HSD11B1: variants seen among roughly 807,000 people sequenced by gnomAD.
The protein encoded by HSD11B1 is 11-beta-hydroxysteroid dehydrogenase 1.
A neutral mutation model predicts 22.1 loss-of-function variants in HSD11B1; 15 were observed. That is an observed-to-expected ratio of 0.68 (90% CI 0.45 to 1.04). The LOEUF is 1.04. Ranked by LOEUF, HSD11B1 falls within the 50% of genes least tolerant of loss-of-function variation. HSD11B1 has a pLI of 0.00. For missense variants in HSD11B1, 281 were observed against 357.6 expected (o/e 0.79, Z 1.73); for synonymous variants, 122 against 125.2 (o/e 0.97, Z 0.17).
chr1:209,688,050 T>C (rs774601164), intron 1 of HSD11B1, among the ~76,000 whole-genome samples: 3 of 152,250 alleles, frequency 2.0e-5, no homozygotes, highest in Admixed American at 6.5e-5. Context: ...TAAGATATTA[T>C]GATTTCTGGA....
At chr1:209,707,642 A>C (rs1197489577) in intron 4 of HSD11B1, among the ~76,000 whole-genome samples, 8 of 152,054 alleles carry the variant, frequency 5.3e-5, no homozygotes, top group Admixed American at 5.2e-4. Flanking sequence ...AAATTCTTTT[A>C]AGTAGCAGAG....
At chr1:209,705,056 G>A (rs1237634109) in intron 1 of HSD11B1, 26 bp downstream of exon 1, 1 of 1,573,866 alleles carries the variant, frequency 6.4e-7, no homozygotes, top group East Asian at 2.2e-5. Context: ...TCTCATTTTG[G>A]AGGAATAGGT....
At chr1:209,728,458 T>C (rs2077016541) in intron 4 of HSD11B1, among the ~76,000 whole-genome samples, 1 of 152,208 alleles carries the variant, frequency 6.6e-6, no homozygotes, top group Non-Finnish European at 1.5e-5. Flanking sequence ...ATTATCCACA[T>C]ATTACAGCTA....
intron 4 of HSD11B1, among the ~76,000 whole-genome samples, chr1:209,708,470 T>C (rs929707726): frequency 6.6e-6 from 1 of 152,156 alleles, no homozygotes; most frequent in African/African-American, 2.4e-5. Flanking sequence ...AACAGTGTGA[T>C]TGATATGCAT....
intron 4 of HSD11B1, among the ~76,000 whole-genome samples, chr1:209,725,103 G>A (rs1397595857): frequency 6.6e-6 from 1 of 152,040 alleles, no homozygotes. Flanking sequence ...CAATATTTTA[G>A]TGCAGAAATA....
intron 4 of HSD11B1, among the ~76,000 whole-genome samples, chr1:209,715,471 G>A (rs890449937): frequency 6.6e-6 from 1 of 151,746 alleles, no homozygotes; most frequent in Non-Finnish European, 1.5e-5. Flanking sequence ...ACTGATTCCA[G>A]GGCAGTGGCA....
intron 4 of HSD11B1, 60 bp downstream of exon 4, chr1:209,707,188 G>A: frequency 1.5e-6 from 2 of 1,348,598 alleles, no homozygotes; most frequent in South Asian, 2.3e-5. Context: ...CAGGGATGAT[G>A]CCAGGCTCTG....
intron 4 of HSD11B1, among the ~76,000 whole-genome samples, chr1:209,725,786 T>C (rs970244533): frequency 2.6e-5 from 4 of 152,154 alleles, no homozygotes; most frequent in African/African-American, 7.2e-5. Flanking sequence ...ACTAGAAGAA[T>C]GGGGGGCAGA....
At chr1:209,700,298 G>A (rs1043151880), upstream of HSD11B1, among the ~76,000 whole-genome samples, 1 of 152,230 alleles carries the variant, frequency 6.6e-6, no homozygotes, top group Non-Finnish European at 1.5e-5. Flanking sequence ...CTAGGCAGAG[G>A]TTCCCAAACT....
At chr1:209,724,741 G>T (rs1333191331) in intron 4 of HSD11B1, among the ~76,000 whole-genome samples, 2 of 152,124 alleles carry the variant, frequency 1.3e-5, no homozygotes, top group East Asian at 1.9e-4. Flanking sequence ...CCTCACACAA[G>T]CTAATTAGCA....
chr1:209,701,114 G>C (rs917299413), upstream of HSD11B1, among the ~76,000 whole-genome samples: 3 of 152,094 alleles, frequency 2.0e-5, no homozygotes. Flanking sequence ...CACATTTTCA[G>C]GTATCTTTTC....
rs530819859 is a variant in HSD11B1 at position 209,707,146 on chromosome 1, A to C, written c.517+18A>C. The C allele has an allele frequency of 6.3e-7, 1 of 1,598,722 alleles. No individual in the cohort carries two copies. The highest frequency in any genetic ancestry group is 1.1e-5 in the South Asian group (1 of 90,758). On this transcript the variant is annotated intron_variant, in intron 4 of 5. Transcript: ENST00000367027. Reference sequence around the variant, plus strand: ...TCTGGCTGGTAAGTGGGACAGGGACATATGTGGAAGGTAGAAGAAAAAAAA... The same window carrying C: ...TCTGGCTGGTAAGTGGGACAGGGACCTATGTGGAAGGTAGAAGAAAAAAAA...
At chr1:209,719,704 A>G (rs1202462403) in intron 4 of HSD11B1, among the ~76,000 whole-genome samples, 2 of 152,208 alleles carry the variant, frequency 1.3e-5, no homozygotes, top group African/African-American at 4.8e-5. Flanking sequence ...TTCCAGCTTC[A>G]TCCAAGTCCC....
rs1558187212 is a variant in HSD11B1, at chr1:209,697,883, C to CTTTT, written c.-48-7012_-48-7011insTTTT. The stretch of plus-strand genomic sequence containing the variant: ...TGAATGATTAATGGTTTTGTTTTTT[C>CTTTT]CTTTTTTTTTTTTTTTTTTTTTTTT... On this transcript the variant is annotated intron_variant, in intron 1 of 6. Coordinates refer to the HSD11B1 transcript ENST00000261465. Among the ~76,000 whole-genome samples the CTTTT allele has an allele frequency of 1.8e-3, 40 of 21,934 alleles. 1 individual carries two copies. Among genetic ancestry groups the CTTTT allele is most frequent in the African/African-American group, 3.2e-3 (39 of 12,004 alleles). The allele number at this position is 21,934 out of a possible 152,430, so 14.4% of individuals were successfully genotyped here.
chr1:209,709,936 A>AC (rs2076884366), intron 4 of HSD11B1, among the ~76,000 whole-genome samples: 1 of 129,940 alleles, frequency 7.7e-6, no homozygotes, highest in South Asian at 2.4e-4. Context: ...CCCACATGTG[A>AC]AACACACACA....
intron 1 of HSD11B1, among the ~76,000 whole-genome samples, chr1:209,695,610 C>T (rs769459929): frequency 1.2e-4 from 19 of 152,024 alleles, no homozygotes; most frequent in Admixed American, 2.0e-4. Flanking sequence ...AGAGATCGAA[C>T]CATCCTGGCC....
At chr1:209,721,553 G>C (rs1480023123) in intron 4 of HSD11B1, among the ~76,000 whole-genome samples, 1 of 151,396 alleles carries the variant, frequency 6.6e-6, no homozygotes, top group Non-Finnish European at 1.5e-5. Flanking sequence ...GCTTTTTCTG[G>C]GTTCTTCAGA....
Position 209,734,716 on chromosome 1 carries a change from C to T in HSD11B1, c.*195C>T, listed in dbSNP as rs531202729. ...TGTAATAATAATGAATGTCATGCACCGCTGCAGCCAGCAGTTGTAAAATTG... is the reference window on the plus strand; with the variant it reads ...TGTAATAATAATGAATGTCATGCACTGCTGCAGCCAGCAGTTGTAAAATTG... On this transcript the variant is annotated 3_prime_UTR_variant, in exon 6 of 6. Coordinates refer to ENST00000367027, the MANE Select transcript of HSD11B1 (RefSeq NM_005525.4). 5.4e-5 allele frequency: 30 copies of T among 553,478 alleles called. No homozygotes were observed. Among genetic ancestry groups the T allele is most frequent in the Middle Eastern group, 9.9e-4 (2 of 2,020 alleles). The allele number at this position is 553,478 out of a possible 1,614,324, so 34.3% of individuals were successfully genotyped here. A position where few individuals can be genotyped will look rare whatever the true frequency, so the allele number is the denominator to read the frequency against.
chr1:209,708,409 C>T lies in HSD11B1; in HGVS notation c.517+1281C>T, dbSNP rs191057703. On this transcript the variant is annotated intron_variant, in intron 4 of 5. Transcript: ENST00000367027. ...AGAGTTCTCCTTTCTGGCCCAGGGA[C>T]GGCCTGCATAGTGATTGGATAAAGG... Among the ~76,000 whole-genome samples, 36 of 152,332 alleles carry T rather than the reference C, an allele frequency of 2.4e-4. 1 individual carries two copies. The highest frequency in any genetic ancestry group is 7.7e-4 in the African/African-American group (32 of 41,582).
Sources: allele counts gnomAD v4.1 joint callset (sites outside exome capture counted in the v4.1 genomes callset), GRCh38; gene constraint gnomAD v4.1.1; transcripts MANE v1.5; gene names NCBI Gene and HGNC (gene_info 2026-07-23, HGNC 2026-07-21).